The following PRELID2 variants were observed in gnomAD, a reference collection of about 807,000 sequenced individuals.
The protein encoded by PRELID2 is PRELI domain-containing protein 2.
Under a neutral mutation model 28.4 loss-of-function variants are expected in PRELID2, and 25 were observed. The observed-to-expected ratio is 0.88, with a 90% CI of 0.64 to 1.23. The LOEUF (loss-of-function observed/expected upper bound fraction) is 1.23. PRELID2 is among the 50% of genes most tolerant of loss of function. The probability of loss-of-function intolerance (pLI) is 0.00; values close to 1 mark genes in which losing one functional copy is unlikely to be tolerated. For synonymous variants in PRELID2, 76 were observed against 71.6 expected, an observed-to-expected ratio of 1.06 and a Z score of -0.31; for missense variants, 201 against 214.4, an observed-to-expected ratio of 0.94 and a Z score of 0.39.
At chr5:145,329,022 T>C in the PRELID2 span, among the ~76,000 whole-genome samples, 77 of 152,342 alleles carry the variant, frequency 5.1e-4, no homozygotes, top group Middle Eastern at 6.8e-3. Flanking sequence ...ACAGCATTTA[T>C]TAAATAGGGA....
In PRELID2 at chr5:145,823,063, T is replaced by A. The variant is rs759861476; in HGVS notation, c.133+14A>T. 8.0e-6 allele frequency: 11 copies of A among 1,379,508 alleles called. No individual in the cohort carries two copies. In the East Asian group the frequency reaches 1.8e-4, roughly 23 times the overall value. The allele number at this position is 1,379,508 out of a possible 1,614,324, so 85.5% of individuals were successfully genotyped here. A position where few individuals can be genotyped will look rare whatever the true frequency, so the allele number is the denominator to read the frequency against. ...TTAATGATCATTACTGAAAAAACTGTACAGAGAACTTACCTCTTTTTTCCT... is the reference window on the plus strand; with the variant it reads ...TTAATGATCATTACTGAAAAAACTGAACAGAGAACTTACCTCTTTTTTCCT... On this transcript the variant is annotated intron_variant, in intron 2 of 6. Coordinates refer to ENST00000683046, the MANE Select transcript of PRELID2 (RefSeq NM_205846.3).
At chr5:145,436,856 A>G in the PRELID2 span, 2 of 152,134 alleles carry the variant, frequency 1.3e-5, no homozygotes, top group African/African-American at 4.8e-5. Flanking sequence ...TGTTACTTCA[A>G]GACTCAGGTT....
At chr5:145,436,253 A>G in the PRELID2 span, among the ~76,000 whole-genome samples, 1 of 152,170 alleles carries the variant, frequency 6.6e-6, no homozygotes, top group African/African-American at 2.4e-5. Flanking sequence ...GGTTGCTGCA[A>G]AAGACATGAT....
At chr5:145,240,810 T>C in the PRELID2 span, among the ~76,000 whole-genome samples, 1 of 152,002 alleles carries the variant, frequency 6.6e-6, no homozygotes, top group African/African-American at 2.4e-5. Flanking sequence ...AGATGACATA[T>C]AAAAAAATTA....
At chr5:145,374,843 G>C in the PRELID2 span, among the ~76,000 whole-genome samples, 1 of 152,228 alleles carries the variant, frequency 6.6e-6, no homozygotes, top group East Asian at 1.9e-4. Flanking sequence ...GGTCATTTAT[G>C]TTCCTACTTA....
chr5:145,575,463 G>A (rs1418174684), intron 1 of PRELID2, among the ~76,000 whole-genome samples: 3 of 152,104 alleles, frequency 2.0e-5, no homozygotes, highest in Non-Finnish European at 4.4e-5. Context: ...TCTCCATGCT[G>A]TCCATCCACT....
the PRELID2 span, among the ~76,000 whole-genome samples, chr5:145,288,350 G>A: frequency 6.6e-6 from 1 of 151,806 alleles, no homozygotes; most frequent in African/African-American, 2.4e-5. Flanking sequence ...ACTTTATTTT[G>A]TGAATCACAT....
the PRELID2 span, among the ~76,000 whole-genome samples, chr5:145,268,238 T>C: frequency 2.0e-5 from 3 of 152,296 alleles, no homozygotes; most frequent in East Asian, 5.8e-4. Context: ...GGAGAATTTC[T>C]GGAGGGTTTT....
chr5:145,291,411 A>G, the PRELID2 span, among the ~76,000 whole-genome samples: 2 of 148,390 alleles, frequency 1.3e-5, no homozygotes, highest in Admixed American at 6.7e-5. Flanking sequence ...GTAACCCTGG[A>G]GGCAGAGATT....
chr5:145,250,459 G>A, the PRELID2 span, among the ~76,000 whole-genome samples: 1 of 152,052 alleles, frequency 6.6e-6, no homozygotes, highest in African/African-American at 2.4e-5. Flanking sequence ...ATAAAACATG[G>A]CTAAAAAGAA....
the PRELID2 span, among the ~76,000 whole-genome samples, chr5:145,299,802 G>A: frequency 3.6e-3 from 550 of 151,928 alleles, 1 homozygote; most frequent in South Asian, 0.014. Flanking sequence ...ATTTCTTTCT[G>A]CCATTTCTTC....
intron 1 of PRELID2, among the ~76,000 whole-genome samples, chr5:145,564,193 C>T (rs1752946706): frequency 6.6e-6 from 1 of 152,210 alleles, no homozygotes; most frequent in Admixed American, 6.5e-5. Context: ...CTGAAAATTA[C>T]ATGTTTTCTC....
intron 1 of PRELID2, among the ~76,000 whole-genome samples, chr5:145,672,197 C>A (rs978299120): frequency 3.9e-5 from 6 of 152,030 alleles, no homozygotes; most frequent in Admixed American, 6.6e-5. Context: ...ATCACTGAAG[C>A]ACAAAAAGCT....
intron 1 of PRELID2, among the ~76,000 whole-genome samples, chr5:145,550,494 G>A (rs1323189613): frequency 6.6e-6 from 1 of 152,142 alleles, no homozygotes; most frequent in Non-Finnish European, 1.5e-5. Context: ...AGGATCACTT[G>A]AGACCAGGAG....
At chr5:145,815,541 C>G (rs1754240993) in intron 4 of PRELID2, among the ~76,000 whole-genome samples, 1 of 152,204 alleles carries the variant, frequency 6.6e-6, no homozygotes, top group Non-Finnish European at 1.5e-5. Flanking sequence ...AAAGAAACTC[C>G]GTACCAACTG....
chr5:145,832,787 ACACAC>A (rs1264402233), intron 1 of PRELID2, among the ~76,000 whole-genome samples: 5 of 151,798 alleles, frequency 3.3e-5, no homozygotes, highest in Non-Finnish European at 5.9e-5. Flanking sequence ...ACCACACCAC[ACACAC>A]CACACCACAC....
the PRELID2 span, among the ~76,000 whole-genome samples, chr5:145,279,217 T>C: frequency 7.2e-5 from 11 of 152,188 alleles, no homozygotes; most frequent in African/African-American, 2.7e-4. Flanking sequence ...TGCAATAACA[T>C]TTGCATCAAC....
At chr5:145,595,298 T>C (rs1284747477) in intron 1 of PRELID2, among the ~76,000 whole-genome samples, 1 of 152,062 alleles carries the variant, frequency 6.6e-6, no homozygotes, top group East Asian at 1.9e-4. Flanking sequence ...GCACGGCCTT[T>C]CTATGACAGG....
At chr5:145,290,698 AT>A in the PRELID2 span, among the ~76,000 whole-genome samples, 1 of 152,186 alleles carries the variant, frequency 6.6e-6, no homozygotes, top group Non-Finnish European at 1.5e-5. Flanking sequence ...ATGTATACAT[AT>A]GTAACAAACC....
Sources: allele counts gnomAD v4.1 joint callset (sites outside exome capture counted in the v4.1 genomes callset), GRCh38; gene constraint gnomAD v4.1.1; transcripts MANE v1.5; gene names NCBI Gene and HGNC (gene_info 2026-07-23, HGNC 2026-07-21).